RAI14: variants seen among roughly 807,000 people sequenced by gnomAD.
RAI14 encodes the protein retinoic acid induced 14.
In RAI14, 45 loss-of-function variants were observed where a neutral mutation model predicts 115.4. That is an observed-to-expected ratio of 0.39 (90% confidence interval 0.31 to 0.50). RAI14 has a LOEUF of 0.50. Ranked by LOEUF, RAI14 falls within the 20% of genes least tolerant of loss-of-function variation. RAI14 has a pLI of 0.85. For missense variants in RAI14, 939 were observed against 1,131.2 expected (o/e 0.83, Z 2.44); for synonymous variants, 371 against 415.4 (o/e 0.89, Z 1.30).
intron 3 of RAI14, 168 bp downstream of exon 3, chr5:34,757,766 C>T: frequency 1.1e-6 from 1 of 893,846 alleles, no homozygotes; most frequent in Non-Finnish European, 1.6e-6. Flanking sequence ...AATTCCAAGT[C>T]ACATATGGAG....
intron 1 of RAI14, among the ~76,000 whole-genome samples, chr5:34,679,197 C>T (rs886455502): frequency 2.6e-5 from 4 of 152,186 alleles, no homozygotes; most frequent in African/African-American, 7.2e-5. Flanking sequence ...ACATTCTGAC[C>T]CTTTTAGACC....
chr5:34,819,217 A>G (rs1488200522), intron 13 of RAI14, among the ~76,000 whole-genome samples: 6 of 152,234 alleles, frequency 3.9e-5, no homozygotes, highest in African/African-American at 1.4e-4. Flanking sequence ...AGATATCTTG[A>G]AATATTTACA....
intron 13 of RAI14, among the ~76,000 whole-genome samples, chr5:34,819,701 C>G (rs1303691019): frequency 6.6e-6 from 1 of 152,156 alleles, no homozygotes; most frequent in Non-Finnish European, 1.5e-5. Flanking sequence ...GTGTCTTAAT[C>G]TGTTGTGTAT....
intron 2 of RAI14, among the ~76,000 whole-genome samples, chr5:34,691,931 C>G (rs1738651904): frequency 6.6e-6 from 1 of 152,152 alleles, no homozygotes; most frequent in African/African-American, 2.4e-5. Flanking sequence ...CCAGGCATAT[C>G]CTGCTCAGAC....
At chr5:34,744,110 C>G (rs1434587374) in intron 2 of RAI14, among the ~76,000 whole-genome samples, 5 of 152,214 alleles carry the variant, frequency 3.3e-5, no homozygotes, top group African/African-American at 1.2e-4. Context: ...TTATGATGCT[C>G]AGACACATGC....
At chr5:34,726,145 G>A (rs770527617) in intron 2 of RAI14, among the ~76,000 whole-genome samples, 5 of 152,116 alleles carry the variant, frequency 3.3e-5, no homozygotes, top group African/African-American at 4.8e-5. Flanking sequence ...GGAGGTTGAG[G>A]TGGGAGGATT....
At chr5:34,718,484 A>G (rs2149986310) in intron 2 of RAI14, among the ~76,000 whole-genome samples, 1 of 152,342 alleles carries the variant, frequency 6.6e-6, no homozygotes, top group East Asian at 1.9e-4. Context: ...ATTATCATGG[A>G]ACTTACTATA....
intron 3 of RAI14, among the ~76,000 whole-genome samples, chr5:34,788,079 G>A (rs1040874019): frequency 3.3e-5 from 5 of 151,320 alleles, no homozygotes; most frequent in African/African-American, 2.4e-5. Flanking sequence ...ACCACACCTG[G>A]CTAATTTTTT....
intron 1 of RAI14, among the ~76,000 whole-genome samples, chr5:34,682,243 T>G (rs1744441669): frequency 6.6e-6 from 1 of 152,004 alleles, no homozygotes; most frequent in African/African-American, 2.4e-5. Flanking sequence ...TGAGATATCA[T>G]TCATATACCA....
chr5:34,784,392 T>C (rs1441112202), intron 3 of RAI14, among the ~76,000 whole-genome samples: 5 of 152,226 alleles, frequency 3.3e-5, no homozygotes, highest in African/African-American at 1.2e-4. Context: ...TTTCAAAAAT[T>C]GAAACAATTT....
chr5:34,777,393 A>T (rs145834205), intron 3 of RAI14, among the ~76,000 whole-genome samples: 70 of 152,320 alleles, frequency 4.6e-4, no homozygotes, highest in African/African-American at 1.6e-3. Flanking sequence ...ACTGTGGGTT[A>T]TTATGTTAAG....
intron 3 of RAI14, among the ~76,000 whole-genome samples, chr5:34,767,272 CCT>C (rs1749522795): frequency 6.6e-6 from 1 of 152,152 alleles, no homozygotes; most frequent in South Asian, 2.1e-4. Context: ...CTTTGCTTTT[CCT>C]CTCTCTGTTC....
rs1218741858 is a variant in RAI14 at position 34,791,355 on chromosome 5, G to T, written c.168-4584G>T. Reference sequence around the variant, plus strand: ...ACCCTTTAAACGGGTCTCTACTTTGGCCTAAGACCATATTAGAAAACTTTT... The same window carrying T: ...ACCCTTTAAACGGGTCTCTACTTTGTCCTAAGACCATATTAGAAAACTTTT... On this transcript the variant is annotated intron_variant, in intron 3 of 17. Coordinates refer to ENST00000265109, the MANE Select transcript of RAI14 (RefSeq NM_015577.3). This position sits in a 1 kb window ranked among gnomAD's most constrained non-coding sequence, Gnocchi z 5.4. Among the ~76,000 whole-genome samples, 1 of 151,950 alleles carries T rather than the reference G, an allele frequency of 6.6e-6. No individual in the cohort carries two copies. The highest frequency in any genetic ancestry group is 1.5e-5 in the Non-Finnish European group (1 of 67,992).
intron 4 of RAI14, among the ~76,000 whole-genome samples, chr5:34,802,943 A>G (rs1754449770): frequency 6.6e-6 from 1 of 152,110 alleles, no homozygotes; most frequent in Admixed American, 6.5e-5. Context: ...GAGGAGAGGG[A>G]AATGAGATGT....
chr5:34,782,935 A>G (rs896977055), intron 3 of RAI14, among the ~76,000 whole-genome samples: 1 of 152,158 alleles, frequency 6.6e-6, no homozygotes, highest in East Asian at 1.9e-4. Context: ...AGGTACGTTC[A>G]TTATTTCTGG....
chr5:34,829,966 G>C, intron 17 of RAI14, 169 bp downstream of exon 17: 1 of 574,218 alleles, frequency 1.7e-6, no homozygotes, highest in East Asian at 3.2e-5. Flanking sequence ...TGTGTCAGGA[G>C]CCTTGTGCCC....
intron 1 of RAI14, among the ~76,000 whole-genome samples, chr5:34,665,521 TC>T (rs1260057934): frequency 6.7e-6 from 1 of 149,222 alleles, no homozygotes; most frequent in African/African-American, 2.5e-5. Flanking sequence ...CTAAGAGGAA[TC>T]CATTTGCAAA....
chr5:34,758,292 A>C (rs763388139), intron 3 of RAI14, among the ~76,000 whole-genome samples: 6 of 152,226 alleles, frequency 3.9e-5, no homozygotes, highest in Non-Finnish European at 8.8e-5. Context: ...ATGAAATAAT[A>C]ATGTAGGTTG....
chr5:34,823,160 G>A lies in RAI14; in HGVS notation c.1318G>A (p.Asp440Asn), dbSNP rs1188433402. The change falls in exon 15 of 18, where the codon GAT becomes AAT. Residue 440 changes from aspartate to asparagine, a missense_variant. Coordinates refer to ENST00000265109, the MANE Select transcript of RAI14 (RefSeq NM_015577.3). The surrounding 1 kb of genome is among the most constrained non-coding windows in gnomAD (Gnocchi z 4.5). ...RIQQLQEILQDLQKRLESSEA... is the reference protein window; with the variant it reads ...RIQQLQEILQNLQKRLESSEA... ...TCAGCAACTGCAAGAGATTTTGCAAGATCTACAGAAGAGATTAGAGAGCTC... is the reference window on the plus strand; with the variant it reads ...TCAGCAACTGCAAGAGATTTTGCAAAATCTACAGAAGAGATTAGAGAGCTC... 2 of 1,613,354 alleles carry A rather than the reference G, an allele frequency of 1.2e-6. No homozygotes were observed. Among genetic ancestry groups the A allele is most frequent in the South Asian group, 2.2e-5 (2 of 91,066 alleles).
Sources: gnomAD v4.1 joint callset for allele counts (sites outside exome capture counted in the v4.1 genomes callset) on GRCh38, gnomAD v4.1.1 for gene constraint, Gnocchi (gnomAD v3.1) non-coding constraint, MANE v1.5 for transcripts, NCBI Gene and HGNC (gene_info 2026-07-23, HGNC 2026-07-21) for gene names.